Variants in SLC9A7 observed in about 807,000 individuals in gnomAD.
The protein encoded by SLC9A7 is sodium/hydrogen exchanger 7.
In SLC9A7, 19 loss-of-function variants were observed where a neutral mutation model predicts 52.6. The observed-to-expected ratio is 0.36, with a 90% CI of 0.25 to 0.53. The LOEUF is 0.53. Ranked by LOEUF, SLC9A7 falls within the 20% of genes least tolerant of loss-of-function variation. SLC9A7 has a pLI of 0.91. For synonymous variants in SLC9A7, 226 were observed against 252.1 expected (o/e 0.90, Z 0.98); for missense variants, 455 against 597.9 (o/e 0.76, Z 2.49).
chrX:46,619,547 T>C (rs1237280996), intron 15 of SLC9A7, among the ~76,000 whole-genome samples: 1 of 111,920 alleles, frequency 8.9e-6, no homozygotes, highest in Non-Finnish European at 1.9e-5. Flanking sequence ...GGCTGTATTA[T>C]ACACATAATG....
At chrX:46,696,999 C>T (rs1381823132) in intron 1 of SLC9A7, among the ~76,000 whole-genome samples, 3 of 111,832 alleles carry the variant, frequency 2.7e-5, no homozygotes, top group Non-Finnish European at 3.8e-5. Context: ...TCCACCCCAA[C>T]CGTCTTTCGC....
Position 46,606,337 on chromosome X carries a change from G to A in SLC9A7, c.*615C>T, listed in dbSNP as rs1175361019. 1 of 752,786 alleles carries A rather than the reference G, an allele frequency of 1.3e-6. No individual in the cohort carries two copies. Among genetic ancestry groups the A allele is most frequent in the African/African-American group, 2.3e-5 (1 of 43,218 alleles). The allele number at this position is 752,786 out of a possible 1,213,427, so 62.0% of individuals were successfully genotyped here. A position where few individuals can be genotyped will look rare whatever the true frequency, so the allele number is the denominator to read the frequency against. On this transcript the variant is annotated 3_prime_UTR_variant, in exon 17 of 17. Transcript: ENST00000616978. The stretch of plus-strand genomic sequence containing the variant: ...GAACTATAATTCTTCGTTCCATGTT[G>A]AAATGTTCGTGGATGTATTTTCAAA...
chrX:46,701,519 G>A (rs1275347750), intron 1 of SLC9A7, among the ~76,000 whole-genome samples: 6 of 111,592 alleles, frequency 5.4e-5, no homozygotes, highest in Admixed American at 1.9e-4. Flanking sequence ...CCCAGCAGGC[G>A]GAGGTTGCAG....
rs1943666421 is a variant in SLC9A7, at chrX:46,655,600, A to G, written c.1042-1886T>C. Among the ~76,000 whole-genome samples the G allele has an allele frequency of 2.7e-5, 3 of 112,124 alleles. No homozygotes were observed. The South Asian group carries it at 1.1e-3, about 41-fold the overall frequency. On this transcript the variant is annotated intron_variant, in intron 7 of 16. Transcript: ENST00000616978. ...GGGAGTTCCCTTTCCTAGTCAAAGA[A>G]AGGGGTGACAGACGGCACCTGGAAA...
At chrX:46,613,062 A>G (rs1279339509) in intron 16 of SLC9A7, among the ~76,000 whole-genome samples, 2 of 109,120 alleles carry the variant, frequency 1.8e-5, no homozygotes, top group Non-Finnish European at 3.8e-5. Context: ...GTGTTCTTCT[A>G]CTACACCACA....
At chrX:46,676,217 G>C (rs1156804291) in intron 3 of SLC9A7, among the ~76,000 whole-genome samples, 1 of 111,045 alleles carries the variant, frequency 9.0e-6, no homozygotes, top group Non-Finnish European at 1.9e-5. Context: ...TGGGGCGGGG[G>C]GGCAGTATTG....
chrX:46,618,351 C>T (rs1942986975), intron 15 of SLC9A7, among the ~76,000 whole-genome samples: 1 of 111,676 alleles, frequency 9.0e-6, no homozygotes, highest in African/African-American at 3.3e-5. Context: ...ATTGCTAATA[C>T]CCCTAGCCTA....
intron 1 of SLC9A7, among the ~76,000 whole-genome samples, chrX:46,708,750 C>T (rs1257645067): frequency 4.5e-5 from 5 of 111,598 alleles, no homozygotes; most frequent in Non-Finnish European, 7.5e-5. Flanking sequence ...GGTCTCAAAG[C>T]ACTGATACCT....
intron 15 of SLC9A7, among the ~76,000 whole-genome samples, chrX:46,618,352 C>A (rs1569501116): frequency 9.0e-6 from 1 of 111,430 alleles, no homozygotes; most frequent in Non-Finnish European, 1.9e-5. Context: ...TTGCTAATAC[C>A]CCTAGCCTAG....
intron 3 of SLC9A7, among the ~76,000 whole-genome samples, chrX:46,674,071 G>C (rs749280056): frequency 2.6e-4 from 29 of 111,691 alleles, no homozygotes; most frequent in African/African-American, 9.4e-4. Context: ...GCTTCAATCA[G>C]GGAGGGCTAG....
At chrX:46,746,497 C>T (rs962128710) in intron 1 of SLC9A7, among the ~76,000 whole-genome samples, 1 of 111,911 alleles carries the variant, frequency 8.9e-6, no homozygotes, top group South Asian at 3.7e-4. Context: ...ATAAACATTT[C>T]TCAAAAGAAG....
intron 1 of SLC9A7, among the ~76,000 whole-genome samples, chrX:46,754,743 A>G (rs1166450998): frequency 8.9e-6 from 1 of 111,843 alleles, no homozygotes; most frequent in African/African-American, 3.3e-5. Context: ...TGGCAGAGTC[A>G]GATTATTTTG....
chrX:46,689,496 C>G (rs1445585480), intron 1 of SLC9A7, among the ~76,000 whole-genome samples: 1 of 111,381 alleles, frequency 9.0e-6, no homozygotes, highest in Non-Finnish European at 1.9e-5. Context: ...TTTCATTTCT[C>G]TAAGGTAAAT....
At chrX:46,650,122 T>A (rs2146775179) in intron 10 of SLC9A7, among the ~76,000 whole-genome samples, 1 of 112,012 alleles carries the variant, frequency 8.9e-6, no homozygotes, top group Non-Finnish European at 1.9e-5. Flanking sequence ...AGCAGCTTGG[T>A]GAGTGTCAGT....
Position 46,649,095 on chromosome X carries a change from TATCC to T in SLC9A7, c.1351-302_1351-299del, listed in dbSNP as rs929248297. Among the ~76,000 whole-genome samples, 4 of 111,579 alleles carry T rather than the reference TATCC, an allele frequency of 3.6e-5. No individual in the cohort carries two copies. In the East Asian group the frequency reaches 8.3e-4, roughly 23 times the overall value. On this transcript the variant is annotated intron_variant, in intron 10 of 16. Coordinates refer to ENST00000616978, the MANE Select transcript of SLC9A7 (RefSeq NM_001257291.2). ...ATATCTATCTATCTATCTATCTATCTATCCATCTATCTAAATCTATCTAAAAAGG... is the reference window on the plus strand; with the variant it reads ...ATATCTATCTATCTATCTATCTATCTATCTATCTAAATCTATCTAAAAAGG...
intron 1 of SLC9A7, among the ~76,000 whole-genome samples, chrX:46,754,540 C>T (rs782762280): frequency 6.3e-5 from 7 of 111,466 alleles, no homozygotes; most frequent in African/African-American, 1.3e-4. Context: ...TTCATGTTAC[C>T]GCAAAGAGTC....
chrX:46,703,512 T>A (rs1423312100), intron 1 of SLC9A7, among the ~76,000 whole-genome samples: 1 of 112,372 alleles, frequency 8.9e-6, no homozygotes, highest in Non-Finnish European at 1.9e-5. Flanking sequence ...TTCTCCAACA[T>A]GCTTGACTTT....
rs1943056534 is a variant in SLC9A7 at position 46,622,151 on chromosome X, C to T, written c.1741-1092G>A. ...ATTATTTTTAAAAATTGAATCCCCTCGGTATTTCAGGAATGTTTAGTGATG... is the reference window on the plus strand; with the variant it reads ...ATTATTTTTAAAAATTGAATCCCCTTGGTATTTCAGGAATGTTTAGTGATG... On this transcript the variant is annotated intron_variant, in intron 14 of 16. Coordinates refer to ENST00000616978, the MANE Select transcript of SLC9A7 (RefSeq NM_001257291.2). Among the ~76,000 whole-genome samples, 7 of 111,810 alleles carry T rather than the reference C, an allele frequency of 6.3e-5. No homozygotes were observed. In the Middle Eastern group the frequency reaches 0.019, roughly 296 times the overall value.
intron 1 of SLC9A7, among the ~76,000 whole-genome samples, chrX:46,697,922 G>A (rs1186787192): frequency 9.0e-6 from 1 of 111,276 alleles, no homozygotes; most frequent in Non-Finnish European, 1.9e-5. Flanking sequence ...CCCTGAACTG[G>A]CCCCCCTGGG....
Sources: allele counts gnomAD v4.1 joint callset (sites outside exome capture counted in the v4.1 genomes callset), GRCh38; gene constraint gnomAD v4.1.1; transcripts MANE v1.5; gene names NCBI Gene and HGNC (gene_info 2026-07-23, HGNC 2026-07-21).